Variants in MEGF6 observed in about 807,000 individuals in gnomAD.
MEGF6 encodes the protein multiple epidermal growth factor-like domains protein 6.
A neutral mutation model predicts 207.1 loss-of-function variants in MEGF6; 184 were observed. That is an observed-to-expected ratio of 0.89 (90% confidence interval 0.79 to 1.00). The LOEUF is 1.00. Among genes scored for constraint, MEGF6 ranks in the 50% least tolerant of loss-of-function variants. The pLI is 0.00. For missense variants in MEGF6, 2,282 were observed against 2,202.9 expected (o/e 1.04, Z -0.72); for synonymous variants, 1,038 against 910.0 (o/e 1.14, Z -2.53).
At chr1:3,501,471 C>T (rs1640863062) in intron 18 of MEGF6, among the ~76,000 whole-genome samples, 163 bp from the exon 19 acceptor site, 1 of 152,072 alleles carries the variant, frequency 6.6e-6, no homozygotes, top group Non-Finnish European at 1.5e-5. Flanking sequence ...CCTCCTGGGG[C>T]TGCAGGCTGC....
intron 6 of MEGF6, 102 bp from the exon 7 acceptor site, chr1:3,514,774 C>G: frequency 3.1e-6 from 4 of 1,306,132 alleles, no homozygotes; most frequent in Non-Finnish European, 4.1e-6. Flanking sequence ...CCAGTGCTCT[C>G]CCCACTCTGT....
rs1331054740 is a variant in MEGF6, at chr1:3,498,843, G to A, written c.3095-17C>T. On this transcript the variant is annotated splice_polypyrimidine_tract_variant and intron_variant, in intron 24 of 36. Transcript: ENST00000356575. ...CAGGGCAGGCTGGGGCCAGGGAAGA[G>A]GGAGCAACCTGCATCCCCCAGCCAG... 1 of 1,548,236 alleles carries A rather than the reference G, an allele frequency of 6.5e-7. No homozygotes were observed. Among genetic ancestry groups the A allele is most frequent in the Non-Finnish European group, 8.7e-7 (1 of 1,145,802 alleles).
At chr1:3,576,648 C>A (rs149317421) in intron 4 of MEGF6, among the ~76,000 whole-genome samples, 1 of 151,832 alleles carries the variant, frequency 6.6e-6, no homozygotes, top group Non-Finnish European at 1.5e-5. Context: ...CAGCCCTGGT[C>A]CTGCACACCT....
At chr1:3,587,069 G>GT (rs1207360869) in intron 3 of MEGF6, among the ~76,000 whole-genome samples, 1 of 152,258 alleles carries the variant, frequency 6.6e-6, no homozygotes, top group East Asian at 1.9e-4. Flanking sequence ...CTTGACATAA[G>GT]TAACTCCATC....
At position 3,496,317 on chromosome 1, in the gene MEGF6, C is replaced by T. The variant is rs967398029; in HGVS notation, c.3743-299G>A. Among the ~76,000 whole-genome samples, 5 of 152,358 alleles carry T rather than the reference C, an allele frequency of 3.3e-5. No individual in the cohort carries two copies. The East Asian group carries it at 9.6e-4, about 29-fold the overall frequency. On this transcript the variant is annotated intron_variant, in intron 29 of 36. Coordinates refer to ENST00000356575, the MANE Select transcript of MEGF6 (RefSeq NM_001409.4). The stretch of plus-strand genomic sequence containing the variant: ...CCCTGCATGACTGAGGGAAGAGGCC[C>T]GTTTCCCAGCAGGACGCTTGGCCAC...
the MEGF6 span, among the ~76,000 whole-genome samples, chr1:3,617,131 C>T: frequency 6.6e-6 from 1 of 151,670 alleles, no homozygotes; most frequent in African/African-American, 2.4e-5. Flanking sequence ...TGCAGGCCCC[C>T]ACAACTGCCC....
the MEGF6 span, among the ~76,000 whole-genome samples, chr1:3,623,746 T>A: frequency 6.6e-6 from 1 of 152,238 alleles, no homozygotes; most frequent in Non-Finnish European, 1.5e-5. Context: ...GCCTGTCTGC[T>A]GGCAAGTGGG....
At chr1:3,587,693 A>T (rs1216236022) in intron 3 of MEGF6, among the ~76,000 whole-genome samples, 1 of 152,198 alleles carries the variant, frequency 6.6e-6, no homozygotes, top group African/African-American at 2.4e-5. Context: ...GATCATGCTC[A>T]TGCGTGGACC....
At chr1:3,514,433 C>T (rs1641463322) in intron 7 of MEGF6, 117 bp downstream of exon 7, 4 of 1,344,860 alleles carry the variant, frequency 3.0e-6, no homozygotes, top group Admixed American at 2.6e-5. Context: ...GGGGGCAAGG[C>T]CAAAGGGCCT....
At chr1:3,624,162 T>A in the MEGF6 span, 1 of 152,618 alleles carries the variant, frequency 6.6e-6, no homozygotes, top group East Asian at 1.9e-4. Context: ...AGCAGAGGGA[T>A]CTGTCCTCCT....
At chr1:3,531,419 G>A in intron 4 of MEGF6, 1 of 1,128,730 alleles carries the variant, frequency 8.9e-7, no homozygotes, top group Non-Finnish European at 1.1e-6. Flanking sequence ...TCTGGGCCGG[G>A]CGCGCCCCGC....
rs1264321041 is a variant in MEGF6, at chr1:3,509,936, C to A, written c.1291G>T (p.Ala431Ser). The change falls in exon 11 of 37, where the codon GCC becomes TCC. Residue 431 changes from alanine (A) to serine (S), a missense_variant. Coordinates refer to ENST00000356575, the MANE Select transcript of MEGF6 (RefSeq NM_001409.4). ...GGCEHHCTNL[A>S]GSFQCSCEAG... ...TCGCAGGAGCACTGGAAGGAGCCGGCCAGGTTGGTGCAGTGGTGCTCGCAG... is the reference window on the plus strand; with the variant it reads ...TCGCAGGAGCACTGGAAGGAGCCGGACAGGTTGGTGCAGTGGTGCTCGCAG... 1 of 1,576,802 alleles carries A rather than the reference C, an allele frequency of 6.3e-7. No individual in the cohort carries two copies. Among genetic ancestry groups the A allele is most frequent in the East Asian group, 2.3e-5 (1 of 43,458 alleles).
At chr1:3,612,192 T>C (rs1644337807), upstream of MEGF6, among the ~76,000 whole-genome samples, 1 of 152,120 alleles carries the variant, frequency 6.6e-6, no homozygotes, top group African/African-American at 2.4e-5. Flanking sequence ...TCCCCGTTCC[T>C]CTTTCTGTGC....
intron 17 of MEGF6, among the ~76,000 whole-genome samples, chr1:3,503,812 C>A (rs1640998144): frequency 6.6e-6 from 1 of 151,880 alleles, no homozygotes. Flanking sequence ...GAGCTGAGTC[C>A]CATGTCCGCG....
At chr1:3,580,049 C>G (rs1038643917) in intron 3 of MEGF6, 120 bp from the exon 4 acceptor site, 1 of 667,728 alleles carries the variant, frequency 1.5e-6, no homozygotes, top group Non-Finnish European at 2.5e-6. Context: ...CAGCCCCGTT[C>G]TCTCTGTCCT....
chr1:3,539,979 C>T (rs1642461896), intron 4 of MEGF6, among the ~76,000 whole-genome samples: 1 of 152,308 alleles, frequency 6.6e-6, no homozygotes, highest in East Asian at 1.9e-4. Flanking sequence ...GGATCCAAAC[C>T]CAGGCCTTCT....
Position 3,495,918 on chromosome 1 carries a change from C to CCG in MEGF6, c.3842_3843insCG (p.Arg1283GlyfsTer236). ...GCTCACAGCGGACGCCGGCTCTCCC[C>CCG]GGGGGGCAGAGGCAGGTGCCGGTCA... On this transcript the variant is annotated frameshift_variant, in exon 30 of 37. Coordinates refer to ENST00000356575, the MANE Select transcript of MEGF6 (RefSeq NM_001409.4). LOFTEE classifies it high-confidence loss of function. 1.3e-6 allele frequency: 2 copies of CCG among 1,597,552 alleles called. No individual in the cohort carries two copies. Among genetic ancestry groups the CCG allele is most frequent in the Non-Finnish European group, 1.7e-6 (2 of 1,178,926 alleles).
At position 3,576,241 on chromosome 1, in the gene MEGF6, G is replaced by A. The variant is rs372291211; in HGVS notation, c.481+3584C>T. Among the ~76,000 whole-genome samples the A allele has an allele frequency of 1.4e-4, 22 of 152,348 alleles. No homozygotes were observed. In the East Asian group the frequency reaches 1.5e-3, roughly 11 times the overall value. Reference sequence around the variant, plus strand: ...CTCCCACGGCTCCCGCTGCTTCTGCGGAAGGGCTCCCAGGGCCTCAGGGAA... The same window carrying A: ...CTCCCACGGCTCCCGCTGCTTCTGCAGAAGGGCTCCCAGGGCCTCAGGGAA... On this transcript the variant is annotated intron_variant, in intron 4 of 36. Transcript: ENST00000356575.
intron 17 of MEGF6, among the ~76,000 whole-genome samples, chr1:3,503,443 G>A (rs895714701): frequency 6.6e-6 from 1 of 152,062 alleles, no homozygotes; most frequent in Non-Finnish European, 1.5e-5. Flanking sequence ...AGCACCACAG[G>A]CTCTTAAAGA....
Sources: gnomAD v4.1 joint callset for allele counts (sites outside exome capture counted in the v4.1 genomes callset) on GRCh38, gnomAD v4.1.1 for gene constraint, MANE v1.5 for transcripts, NCBI Gene and HGNC (gene_info 2026-07-23, HGNC 2026-07-21) for gene names.